The following TSHZ2 variants were observed in gnomAD, a reference collection of about 807,000 sequenced individuals.
The protein encoded by TSHZ2 is teashirt zinc finger homeobox 2.
Under a neutral mutation model 74.4 loss-of-function variants are expected in TSHZ2, and 21 were observed. The observed-to-expected ratio is 0.28, with a 90% CI of 0.20 to 0.41. The LOEUF (loss-of-function observed/expected upper bound fraction) is 0.41, where lower values mean the gene tolerates loss of function less well. Ranked by LOEUF, TSHZ2 falls within the 10% of genes least tolerant of loss-of-function variation. The pLI, the probability that TSHZ2 is intolerant of heterozygous loss-of-function variation, is 1.00. For synonymous variants in TSHZ2, 540 were observed against 515.3 expected, an observed-to-expected ratio of 1.05 and a Z score of -0.65; for missense variants, 1,244 against 1,293.5, an observed-to-expected ratio of 0.96 and a Z score of 0.59.
chr20:53,321,249 G>A (rs1018602836), intron 2 of TSHZ2, among the ~76,000 whole-genome samples: 1 of 152,034 alleles, frequency 6.6e-6, no homozygotes, highest in African/African-American at 2.4e-5. Flanking sequence ...CAAAATTAAA[G>A]TTTGGTCCCT....
chr20:53,116,242 A>C (rs186870592), intron 1 of TSHZ2, among the ~76,000 whole-genome samples: 234 of 152,356 alleles, frequency 1.5e-3, no homozygotes, highest in Non-Finnish European at 2.4e-3. Context: ...ATGATGAAAA[A>C]GGAATGCACA....
intron 2 of TSHZ2, among the ~76,000 whole-genome samples, chr20:53,473,984 C>A (rs1985912744): frequency 6.6e-6 from 1 of 151,714 alleles, no homozygotes; most frequent in African/African-American, 2.4e-5. Flanking sequence ...ATGAGCAAAG[C>A]CTCCAAGAAA....
At chr20:53,275,267 C>G (rs1410546468) in intron 2 of TSHZ2, among the ~76,000 whole-genome samples, 2 of 152,076 alleles carry the variant, frequency 1.3e-5, no homozygotes, top group African/African-American at 2.4e-5. Flanking sequence ...CTCTGAGTCT[C>G]TAAGTTCCTA....
chr20:53,467,442 A>C (rs1461881218), intron 2 of TSHZ2, among the ~76,000 whole-genome samples: 3 of 152,230 alleles, frequency 2.0e-5, no homozygotes, highest in Non-Finnish European at 2.9e-5. Flanking sequence ...CAGCAGTTTT[A>C]AGATACTGTA....
chr20:53,028,484 T>A (rs1331841119), intron 1 of TSHZ2, among the ~76,000 whole-genome samples: 2 of 152,376 alleles, frequency 1.3e-5, no homozygotes, highest in Non-Finnish European at 2.9e-5. Context: ...TCCTGTTGGT[T>A]GGGAATCTAT....
chr20:53,442,450 G>T (rs531462476), intron 2 of TSHZ2, among the ~76,000 whole-genome samples: 1 of 152,166 alleles, frequency 6.6e-6, no homozygotes, highest in Non-Finnish European at 1.5e-5. Flanking sequence ...CTGCTGAGCG[G>T]GGGCTTAGGT....
rs558192071 is a variant in TSHZ2, at chr20:53,096,258, C to A, written c.40+122925C>A. ...TTGGATTCAAGTGATTCTCTTGTTT[C>A]AGCCTCCCAAATAGCTGAGACTACA... On this transcript the variant is annotated intron_variant, in intron 1 of 2. Transcript: ENST00000371497. Among the ~76,000 whole-genome samples, 9 of 152,280 alleles carry A rather than the reference C, an allele frequency of 5.9e-5. No homozygotes were observed. In the East Asian group the frequency reaches 1.7e-3, roughly 30 times the overall value.
Position 53,219,618 on chromosome 20 carries a change from C to G in TSHZ2, c.41-33881C>G, listed in dbSNP as rs1002919064. Among the ~76,000 whole-genome samples, 3 of 152,138 alleles carry G rather than the reference C, an allele frequency of 2.0e-5. No individual in the cohort carries two copies. In the South Asian group the frequency reaches 6.2e-4, roughly 31 times the overall value. On this transcript the variant is annotated intron_variant, in intron 1 of 2. Transcript: ENST00000371497. Reference sequence around the variant, plus strand: ...TTATCTGTTCCTTGGGTCACAAACTCCCTCAAGGACTTCTCCAGACAGGTA... The same window carrying G: ...TTATCTGTTCCTTGGGTCACAAACTGCCTCAAGGACTTCTCCAGACAGGTA...
At chr20:53,151,143 T>C (rs1013207416) in intron 1 of TSHZ2, among the ~76,000 whole-genome samples, 2 of 152,220 alleles carry the variant, frequency 1.3e-5, no homozygotes, top group African/African-American at 4.8e-5. Flanking sequence ...GTATGTTTTT[T>C]CTATCACTAT....
chr20:52,976,705 C>A (rs1399879559), intron 1 of TSHZ2, among the ~76,000 whole-genome samples: 2 of 152,156 alleles, frequency 1.3e-5, no homozygotes, highest in Admixed American at 6.5e-5. Flanking sequence ...TTTATTTCAC[C>A]ATACTGAACT....
intron 1 of TSHZ2, among the ~76,000 whole-genome samples, chr20:53,239,553 G>A (rs1990018090): frequency 6.6e-6 from 1 of 152,082 alleles, no homozygotes; most frequent in African/African-American, 2.4e-5. Flanking sequence ...AGTTTGATTT[G>A]TCCAGCAGTA....
intron 1 of TSHZ2, among the ~76,000 whole-genome samples, chr20:53,026,582 T>A (rs1340942889): frequency 1.3e-5 from 2 of 152,128 alleles, no homozygotes; most frequent in Non-Finnish European, 2.9e-5. Flanking sequence ...ATAGCTATCA[T>A]ACATCCACAA....
intron 2 of TSHZ2, among the ~76,000 whole-genome samples, chr20:53,473,106 G>C (rs957214895): frequency 1.3e-5 from 2 of 148,810 alleles, no homozygotes; most frequent in African/African-American, 5.0e-5. Context: ...GCCCAGGCTT[G>C]CTTAGGTAAA....
intron 2 of TSHZ2, among the ~76,000 whole-genome samples, chr20:53,479,187 AAGG>A (rs1270910779): frequency 2.0e-5 from 3 of 151,812 alleles, no homozygotes; most frequent in South Asian, 2.1e-4. Context: ...AAAAAAAAAA[AAGG>A]AGAAAATTGA....
intron 1 of TSHZ2, among the ~76,000 whole-genome samples, chr20:53,050,122 TATAC>T (rs1203219104): frequency 7.6e-5 from 6 of 79,228 alleles, no homozygotes; most frequent in African/African-American, 4.6e-4. Flanking sequence ...TATATATATA[TATAC>T]ACATATATAT....
chr20:53,405,421 A>G (rs1166871431), intron 2 of TSHZ2, among the ~76,000 whole-genome samples: 4 of 152,192 alleles, frequency 2.6e-5, no homozygotes, highest in African/African-American at 9.7e-5. Flanking sequence ...GGAAGTCAGC[A>G]CTTGAAGGTA....
intron 2 of TSHZ2, among the ~76,000 whole-genome samples, chr20:53,476,623 C>T (rs1301913988): frequency 7.1e-6 from 1 of 139,886 alleles, no homozygotes; most frequent in Non-Finnish European, 1.5e-5. Context: ...CCTCTGTCAC[C>T]ACTCCTATTC....
intron 2 of TSHZ2, among the ~76,000 whole-genome samples, chr20:53,423,943 A>G (rs1239469185): frequency 6.6e-6 from 1 of 152,202 alleles, no homozygotes; most frequent in East Asian, 1.9e-4. Context: ...GAGTCCAGGG[A>G]TGCAGCTAAA....
At chr20:53,167,522 G>A (rs1208339238) in intron 1 of TSHZ2, among the ~76,000 whole-genome samples, 2 of 152,118 alleles carry the variant, frequency 1.3e-5, no homozygotes, top group East Asian at 3.9e-4. Flanking sequence ...TTGTGTCAGG[G>A]TGGAGAATGG....
Sources: gnomAD v4.1 joint callset for allele counts (sites outside exome capture counted in the v4.1 genomes callset) on GRCh38, gnomAD v4.1.1 for gene constraint, MANE v1.5 for transcripts, NCBI Gene and HGNC (gene_info 2026-07-23, HGNC 2026-07-21) for gene names.